Variants in CTSC observed in about 807,000 individuals in gnomAD.
CTSC encodes cathepsin C.
CTSC carries 37 observed loss-of-function variants against 40.9 expected under a neutral mutation model. That is an observed-to-expected ratio of 0.91 (90% CI 0.70 to 1.19). The LOEUF (loss-of-function observed/expected upper bound fraction) is 1.19, where lower values mean the gene tolerates loss of function less well. Ranked by LOEUF, CTSC falls within the 50% of genes most tolerant of loss-of-function variation. The pLI, the probability that CTSC is intolerant of heterozygous loss-of-function variation, is 0.00. For missense variants in CTSC, 594 were observed against 567.3 expected (o/e 1.05, Z -0.48); for synonymous variants, 232 against 207.4 (o/e 1.12, Z -1.02).
chr11:88,326,359 C>G (rs770297442), intron 2 of CTSC: 15 of 1,613,626 alleles, frequency 9.3e-6, no homozygotes, highest in Non-Finnish European at 8.5e-7. Flanking sequence ...TCCACACTGT[C>G]GCAGGCTGCT....
At chr11:88,302,467 CAA>C (rs984351953) in intron 4 of CTSC, among the ~76,000 whole-genome samples, 1 of 150,058 alleles carries the variant, frequency 6.7e-6, no homozygotes. Context: ...ACTAAAAATA[CAA>C]AAAAAAATTA....
intron 2 of CTSC, chr11:88,326,478 C>A (rs758134968): frequency 2.6e-5 from 34 of 1,330,962 alleles, no homozygotes; most frequent in African/African-American, 4.4e-5. Context: ...TACAAGCCAA[C>A]AAGGATCATA....
chr11:88,336,550 A>C (rs943367144), intron 1 of CTSC, among the ~76,000 whole-genome samples: 2 of 152,132 alleles, frequency 1.3e-5, no homozygotes, highest in African/African-American at 2.4e-5. Flanking sequence ...AAAAAAAAAA[A>C]AAAAAAAGTT....
chr11:88,316,258 T>C (rs555877113), intron 2 of CTSC, among the ~76,000 whole-genome samples: 61 of 152,324 alleles, frequency 4.0e-4, no homozygotes, highest in African/African-American at 1.4e-3. Context: ...ACTGATTGGC[T>C]GTGTGATCCT....
intron 2 of CTSC, among the ~76,000 whole-genome samples, chr11:88,315,565 G>A (rs1020626298): frequency 6.6e-6 from 1 of 152,032 alleles, no homozygotes; most frequent in Admixed American, 6.6e-5. Context: ...CATTGTCTAT[G>A]GCTACTTTTG....
intron 2 of CTSC, chr11:88,324,669 C>A (rs1170827385): frequency 1.0e-6 from 1 of 984,414 alleles, no homozygotes; most frequent in East Asian, 1.1e-4. Context: ...AAACATGCTA[C>A]CCAATCACTC....
At chr11:88,335,837 G>A (rs638826) in intron 1 of CTSC, among the ~76,000 whole-genome samples, 65,988 of 152,020 alleles carry the variant, frequency 0.43, 15,262 homozygotes, top group Middle Eastern at 0.53. Context: ...AATGTGCTAA[G>A]CCCAGGAGAA....
chr11:88,308,117 T>C (rs1236449927), intron 4 of CTSC, among the ~76,000 whole-genome samples: 1 of 152,198 alleles, frequency 6.6e-6, no homozygotes, highest in Non-Finnish European at 1.5e-5. Flanking sequence ...GAGAAAACTA[T>C]GAGAGTGAAA....
intron 3 of CTSC, among the ~76,000 whole-genome samples, chr11:88,310,698 G>A (rs1051753671): frequency 6.6e-6 from 1 of 152,116 alleles, no homozygotes; most frequent in East Asian, 1.9e-4. Context: ...ACCCAGAGAC[G>A]TACCCTTATC....
intron 2 of CTSC, chr11:88,326,404 G>C: frequency 6.2e-7 from 1 of 1,613,766 alleles, no homozygotes; most frequent in South Asian, 1.1e-5. Flanking sequence ...TCATGGCTGT[G>C]GTTTTAAAAG....
At chr11:88,333,420 A>C (rs1938414545) in intron 2 of CTSC, among the ~76,000 whole-genome samples, 1 of 152,208 alleles carries the variant, frequency 6.6e-6, no homozygotes, top group Admixed American at 6.5e-5. Context: ...AGGGATAGAG[A>C]CAGAGGAAAA....
At chr11:88,304,463 T>C (rs1180373991) in intron 4 of CTSC, among the ~76,000 whole-genome samples, 1 of 152,188 alleles carries the variant, frequency 6.6e-6, no homozygotes, top group African/African-American at 2.4e-5. Context: ...AGGCAGAGAT[T>C]TGCCCATCAT....
intron 2 of CTSC, among the ~76,000 whole-genome samples, chr11:88,314,002 A>G (rs1000970375): frequency 3.9e-5 from 6 of 152,162 alleles, no homozygotes; most frequent in Admixed American, 3.3e-4. Context: ...GGGGTCAACT[A>G]TGTTTCTATA....
intron 2 of CTSC, among the ~76,000 whole-genome samples, chr11:88,333,862 G>A (rs1938424985): frequency 6.6e-6 from 1 of 151,902 alleles, no homozygotes; most frequent in Admixed American, 6.6e-5. Context: ...GTTGAGGAAA[G>A]GCAACCTCTT....
At chr11:88,322,247 T>G (rs1314629661) in intron 2 of CTSC, 2 of 152,244 alleles carry the variant, frequency 1.3e-5, no homozygotes, top group African/African-American at 4.8e-5. Context: ...CTCTTTAGTT[T>G]AATTAGATCT....
chr11:88,313,544 C>A (rs1555028586), intron 2 of CTSC, among the ~76,000 whole-genome samples: 1 of 152,106 alleles, frequency 6.6e-6, no homozygotes, highest in Non-Finnish European at 1.5e-5. Flanking sequence ...AGGATTTGAA[C>A]TAAGATGCTC....
At chr11:88,317,369 C>A (rs1346587519) in intron 2 of CTSC, among the ~76,000 whole-genome samples, 3 of 152,170 alleles carry the variant, frequency 2.0e-5, no homozygotes, top group Non-Finnish European at 4.4e-5. Context: ...ATAACTTAAA[C>A]CCTACACATT....
chr11:88,318,267 TATC>T (rs1189390149), intron 2 of CTSC, among the ~76,000 whole-genome samples: 10 of 152,244 alleles, frequency 6.6e-5, no homozygotes, highest in African/African-American at 1.2e-4. Flanking sequence ...GTCTGTCACT[TATC>T]ATTTACGTAA....
At chr11:88,336,144 C>A (rs542593403) in intron 1 of CTSC, among the ~76,000 whole-genome samples, 7 of 151,460 alleles carry the variant, frequency 4.6e-5, no homozygotes, top group Admixed American at 1.3e-4. Context: ...AAAGTTTTTC[C>A]ATGTTTGAGA....
Sources: gnomAD v4.1 joint callset for allele counts (sites outside exome capture counted in the v4.1 genomes callset) on GRCh38, gnomAD v4.1.1 for gene constraint, MANE v1.5 for transcripts, NCBI Gene and HGNC (gene_info 2026-07-23, HGNC 2026-07-21) for gene names.